OR10G3: variants seen among roughly 807,000 people sequenced by gnomAD.
OR10G3 encodes olfactory receptor 10G3.
A neutral mutation model predicts 13.4 loss-of-function variants in OR10G3; 8 were observed. That is an observed-to-expected ratio of 0.60 (90% CI 0.35 to 1.08). The LOEUF is 1.08. OR10G3 is among the 50% of genes least tolerant of loss of function. The pLI, the probability that OR10G3 is intolerant of heterozygous loss-of-function variation, is 0.02. For missense variants in OR10G3, 393 were observed against 386.6 expected, an observed-to-expected ratio of 1.02 and a Z score of -0.14; for synonymous variants, 142 against 156.1, an observed-to-expected ratio of 0.91 and a Z score of 0.67.
rs117076408 is a variant in OR10G3 at position 21,569,960 on chromosome 14, C to T, written c.785G>A (p.Arg262Lys). Residue 262 changes from arginine (R) to lysine (K), a missense_variant, in exon 2 of 2, where the codon AGG becomes AAG. Transcript: ENST00000641040. ...ATCCAGGGGGCTGTTGGTTTCAGGC[C>T]TCAGGTAGATGAAGGCACAGGGCAC... Reference protein sequence around the residue: ...YYVPCAFIYLRPETNSPLDGA... With the variant: ...YYVPCAFIYLKPETNSPLDGA... 1.0e-3 allele frequency: 1,624 copies of T among 1,612,608 alleles called. 34 individuals are homozygous for T. The East Asian group carries it at 0.029, about 29-fold the overall frequency.
At chr14:21,571,624 C>A (rs778952642) in intron 1 of OR10G3, among the ~76,000 whole-genome samples, 5 of 151,824 alleles carry the variant, frequency 3.3e-5, no homozygotes, top group Non-Finnish European at 7.4e-5. Flanking sequence ...CAGAACAAAC[C>A]ACTCTCAGTG....
At chr14:21,571,189 T>G (rs984953969) in intron 1 of OR10G3, among the ~76,000 whole-genome samples, 2 of 152,192 alleles carry the variant, frequency 1.3e-5, no homozygotes, top group Admixed American at 6.5e-5. Context: ...AAAGGGTATT[T>G]GTTTCATTAG....
At chr14:21,570,807 G>T in intron 1 of OR10G3, 46 bp from the exon 2 acceptor site, 1 of 1,100,500 alleles carries the variant, frequency 9.1e-7, no homozygotes, top group Non-Finnish European at 1.3e-6. Context: ...TGAGAGGAAA[G>T]TGAGGGGGAA....
Position 21,570,665 on chromosome 14 carries a change from AAG to A in OR10G3, c.78_79del (p.Phe28CysfsTer43), listed in dbSNP as rs780034004. ...GTAGATTAGAAAAAAGAACACAAAAAAGAGTGTCCTTAGCCTGAGTGGATACG... is the reference window on the plus strand; with the variant it reads ...GTAGATTAGAAAAAAGAACACAAAAAAGTGTCCTTAGCCTGAGTGGATACG... On this transcript the variant is annotated frameshift_variant, in exon 2 of 2. Coordinates refer to ENST00000641040, the MANE Select transcript of OR10G3 (RefSeq NM_001005465.2). LOFTEE classifies it high-confidence loss of function. 3.1e-6 allele frequency: 5 copies of A among 1,611,002 alleles called. 1 individual carries two copies. The Admixed American group carries it at 6.7e-5, about 21-fold the overall frequency.
intron 1 of OR10G3, among the ~76,000 whole-genome samples, chr14:21,572,315 A>AAAAAAAAAAAAAAAAC: frequency 7.4e-6 from 1 of 134,272 alleles, no homozygotes; most frequent in South Asian, 2.3e-4. Flanking sequence ...AAAAAAAAAA[A>AAAAAAAAAAAAAAAAC]AGGCCAGGTG....
At chr14:21,576,303 C>T (rs917226543) in intron 1 of OR10G3, among the ~76,000 whole-genome samples, 1 of 152,174 alleles carries the variant, frequency 6.6e-6, no homozygotes, top group Non-Finnish European at 1.5e-5. Flanking sequence ...AATGATGTGT[C>T]TACTGCCCAG....
In OR10G3 at chr14:21,570,014, G is replaced by T. The variant is rs1338767921; in HGVS notation, c.731C>A (p.Ala244Asp). The T allele has an allele frequency of 2.5e-6, 4 of 1,614,022 alleles. No homozygotes were observed. The highest frequency in any genetic ancestry group is 1.7e-6 in the Non-Finnish European group (2 of 1,180,022). The change falls in exon 2 of 2, where the codon GCC (alanine) becomes GAC (aspartate). Residue 244 changes from alanine to aspartate, a missense_variant. Transcript: ENST00000641040. ...GRRRAFSTCG[A>D]HVTVVTVYYV... ...GTACACGGTGACCACGGTTACATGGGCTCCACAAGTTGAAAAAGCCCGGCG... is the reference window on the plus strand; with the variant it reads ...GTACACGGTGACCACGGTTACATGGTCTCCACAAGTTGAAAAAGCCCGGCG...
Position 21,569,752 on chromosome 14 carries a change from A to G in OR10G3, c.*51T>C. 6.7e-7 allele frequency: 1 copy of G among 1,481,654 alleles called. No individual in the cohort carries two copies. Among genetic ancestry groups the G allele is most frequent in the Non-Finnish European group, 9.2e-7 (1 of 1,081,594 alleles). The allele number at this position is 1,481,654 out of a possible 1,614,324, so 91.8% of individuals were successfully genotyped here. ...AGAAAAAAGTTACCGAAGCCTAAAC[A>G]TTATAATAAATTCTAATTGTGGCAG... On this transcript the variant is annotated 3_prime_UTR_variant, in exon 2 of 2. Transcript: ENST00000641040.
intron 1 of OR10G3, among the ~76,000 whole-genome samples, chr14:21,571,683 T>G (rs1200663548): frequency 2.8e-5 from 2 of 71,502 alleles, no homozygotes; most frequent in African/African-American, 9.0e-5. Flanking sequence ...TTCGCATTTC[T>G]TTTTTTTTTT....
intron 1 of OR10G3, 144 bp from the exon 2 acceptor site, chr14:21,570,905 TC>T: frequency 1.7e-6 from 1 of 595,646 alleles, no homozygotes; most frequent in Non-Finnish European, 2.9e-6. Context: ...AACAATGTTC[TC>T]TGGCAGGTGT....
chr14:21,569,743 A>G lies in OR10G3; in HGVS notation c.*60T>C. ...AAGAAGAAAAGAAAAAAGTTACCGAAGCCTAAACATTATAATAAATTCTAA... is the reference window on the plus strand; with the variant it reads ...AAGAAGAAAAGAAAAAAGTTACCGAGGCCTAAACATTATAATAAATTCTAA... On this transcript the variant is annotated 3_prime_UTR_variant, in exon 2 of 2. Transcript: ENST00000641040. 1 of 1,404,530 alleles carries G rather than the reference A, an allele frequency of 7.1e-7. No homozygotes were observed. The highest frequency in any genetic ancestry group is 9.8e-7 in the Non-Finnish European group (1 of 1,024,082). The allele number at this position is 1,404,530 out of a possible 1,614,324, so 87.0% of individuals were successfully genotyped here.
chr14:21,570,714 C>A lies in OR10G3; in HGVS notation c.31G>T (p.Ala11Ser), dbSNP rs1324788622. ...TACGGAATTCCTGTCAGGATAAACG[C>A]AGTCAACAGTGTGCTGTTGATTCTT... MERINSTLLT[A>S]FILTGIPYPL... Residue 11 changes from alanine (A) to serine (S), a missense_variant, in exon 2 of 2, where the codon GCG (alanine) becomes TCG (serine). Coordinates refer to ENST00000641040, the MANE Select transcript of OR10G3 (RefSeq NM_001005465.2). 6.3e-7 allele frequency: 1 copy of A among 1,597,400 alleles called. No individual in the cohort carries two copies. Among genetic ancestry groups the A allele is most frequent in the East Asian group, 2.2e-5 (1 of 44,860 alleles).
In OR10G3 at chr14:21,569,747, T is replaced by G; in HGVS notation, c.*56A>C. The G allele has an allele frequency of 6.9e-7, 1 of 1,451,628 alleles. No individual in the cohort carries two copies. The highest frequency in any genetic ancestry group is 9.4e-7 in the Non-Finnish European group (1 of 1,059,250). The allele number at this position is 1,451,628 out of a possible 1,614,324, so 89.9% of individuals were successfully genotyped here. ...AGAAAAGAAAAAAGTTACCGAAGCC[T>G]AAACATTATAATAAATTCTAATTGT... On this transcript the variant is annotated 3_prime_UTR_variant, in exon 2 of 2. Transcript: ENST00000641040.
At chr14:21,576,529 G>A (rs1387379924) in intron 1 of OR10G3, among the ~76,000 whole-genome samples, 1 of 152,126 alleles carries the variant, frequency 6.6e-6, no homozygotes, top group African/African-American at 2.4e-5. Context: ...GGGCAGTAAC[G>A]AAGATACATC....
At chr14:21,574,967 C>G (rs1191717144) in intron 1 of OR10G3, 2 of 152,118 alleles carry the variant, frequency 1.3e-5, no homozygotes, top group African/African-American at 4.8e-5. Context: ...TACAAAAAAG[C>G]CAACTCCTCT....
At chr14:21,577,720 C>T (rs531868621) in intron 1 of OR10G3, among the ~76,000 whole-genome samples, 2 of 152,230 alleles carry the variant, frequency 1.3e-5, no homozygotes, top group South Asian at 2.1e-4. Context: ...TAAAAAAGCC[C>T]GAGGGAGGCC....
intron 1 of OR10G3, among the ~76,000 whole-genome samples, chr14:21,577,723 G>A (rs1876777439): frequency 6.6e-6 from 1 of 152,150 alleles, no homozygotes; most frequent in Non-Finnish European, 1.5e-5. Flanking sequence ...AAAAGCCCGA[G>A]GGAGGCCGGG....
chr14:21,578,412 A>G (rs1380886968), intron 1 of OR10G3, among the ~76,000 whole-genome samples: 1 of 152,140 alleles, frequency 6.6e-6, no homozygotes, highest in Non-Finnish European at 1.5e-5. Flanking sequence ...ACTCCATCTC[A>G]AAATAAATAA....
intron 1 of OR10G3, among the ~76,000 whole-genome samples, chr14:21,573,710 A>G (rs946747048): frequency 6.6e-6 from 1 of 151,766 alleles, no homozygotes. Flanking sequence ...AGACAGGAAA[A>G]GTGAGTTTTC....
Sources: gnomAD v4.1 joint callset for allele counts (sites outside exome capture counted in the v4.1 genomes callset) on GRCh38, gnomAD v4.1.1 for gene constraint, MANE v1.5 for transcripts, NCBI Gene and HGNC (gene_info 2026-07-23, HGNC 2026-07-21) for gene names.